The following VSTM2L variants were observed in gnomAD, a reference collection of about 807,000 sequenced individuals.
The protein encoded by VSTM2L is V-set and transmembrane domain-containing protein 2-like protein.
In VSTM2L, 9 loss-of-function variants were observed where a neutral mutation model predicts 19.9. The ratio of observed to expected loss-of-function variants is 0.45; its 90% confidence interval spans 0.27 to 0.79. VSTM2L has a LOEUF of 0.79. VSTM2L is among the 30% of genes least tolerant of loss of function. The pLI, the probability that VSTM2L is intolerant of heterozygous loss-of-function variation, is 0.15. For synonymous variants in VSTM2L, 127 were observed against 133.8 expected (o/e 0.95, Z 0.35); for missense variants, 286 against 295.5 (o/e 0.97, Z 0.24).
intron 3 of VSTM2L, among the ~76,000 whole-genome samples, chr20:37,935,376 G>T (rs1338726016): frequency 6.6e-6 from 1 of 152,108 alleles, no homozygotes; most frequent in Admixed American, 6.5e-5. Context: ...CTGGATTCCT[G>T]CAGTCTGAGG....
At chr20:37,918,864 T>C (rs551875569) in intron 1 of VSTM2L, among the ~76,000 whole-genome samples, 52 of 152,188 alleles carry the variant, frequency 3.4e-4, no homozygotes, top group Non-Finnish European at 4.8e-4. Flanking sequence ...CCTAGGATCT[T>C]CTAGAACCTG....
chr20:37,924,613 C>G (rs1349508449), intron 1 of VSTM2L, among the ~76,000 whole-genome samples: 1 of 151,648 alleles, frequency 6.6e-6, no homozygotes, highest in Non-Finnish European at 1.5e-5. Flanking sequence ...AAGAGCTAGG[C>G]ACGGTGCCTG....
chr20:37,940,701 A>C (rs546773811), intron 3 of VSTM2L, among the ~76,000 whole-genome samples: 1 of 152,356 alleles, frequency 6.6e-6, no homozygotes, highest in East Asian at 1.9e-4. Flanking sequence ...GAGACTAGGT[A>C]ATTCACAAAG....
intron 1 of VSTM2L, among the ~76,000 whole-genome samples, chr20:37,918,516 T>A (rs1293253263): frequency 1.3e-5 from 2 of 152,276 alleles, no homozygotes; most frequent in African/African-American, 4.8e-5. Context: ...TCATAGCGTT[T>A]ATTTTTACAG....
intron 3 of VSTM2L, among the ~76,000 whole-genome samples, chr20:37,943,427 ATT>A (rs35126131): frequency 0.15 from 19,487 of 126,996 alleles, 1,554 homozygotes; most frequent in African/African-American, 0.23. Context: ...AGGCGCCTCT[ATT>A]TTTTTTTTTT....
chr20:37,943,923 T>A (rs1256878761), intron 3 of VSTM2L, 58 bp from the exon 4 acceptor site: 13 of 216,942 alleles, frequency 6.0e-5, no homozygotes, highest in South Asian at 2.6e-4. Flanking sequence ...CCCCCCCGAC[T>A]CTTCTTCTCC....
Position 37,944,733 on chromosome 20 carries a change from TC to T in VSTM2L, c.*484del. On this transcript the variant is annotated 3_prime_UTR_variant, in exon 4 of 4. Coordinates refer to ENST00000373461, the MANE Select transcript of VSTM2L (RefSeq NM_080607.3). ...ATCTTCTGAGCAGAACTAGGGCCTC[TC>T]CCCTGGTGAAGACCCAGGGAACCCA... 1 of 987,030 alleles carries T rather than the reference TC, an allele frequency of 1.0e-6. No individual in the cohort carries two copies. 61.1% of individuals were successfully genotyped at this position (987,030 alleles called of 1,614,324 possible).
chr20:37,935,317 C>T (rs532966321), intron 3 of VSTM2L, among the ~76,000 whole-genome samples: 4 of 152,332 alleles, frequency 2.6e-5, no homozygotes, highest in South Asian at 4.1e-4. Context: ...CCAAGCTCCT[C>T]GTGCAGACAG....
chr20:37,906,191 C>T (rs2072751155), intron 1 of VSTM2L, among the ~76,000 whole-genome samples: 1 of 152,246 alleles, frequency 6.6e-6, no homozygotes, highest in South Asian at 2.1e-4. Context: ...TGCCCTGGAG[C>T]TTGTCACAGG....
At chr20:37,911,691 GT>G (rs143169433) in intron 1 of VSTM2L, among the ~76,000 whole-genome samples, 2,338 of 152,254 alleles carry the variant, frequency 0.015, 71 homozygotes, top group African/African-American at 0.054. Context: ...GGGTAATGCT[GT>G]TTTTTGTCTA....
intron 1 of VSTM2L, among the ~76,000 whole-genome samples, chr20:37,916,149 C>A (rs1229237146): frequency 6.6e-6 from 1 of 152,250 alleles, no homozygotes; most frequent in Non-Finnish European, 1.5e-5. Flanking sequence ...AGGCTCAAAT[C>A]CTGCCCCGCT....
At chr20:37,906,211 C>A (rs756654825) in intron 1 of VSTM2L, among the ~76,000 whole-genome samples, 11 of 152,112 alleles carry the variant, frequency 7.2e-5, no homozygotes, top group Non-Finnish European at 1.3e-4. Flanking sequence ...GGAAAGCCTG[C>A]GGTCAGATGG....
At chr20:37,912,815 C>A (rs2072788064) in intron 1 of VSTM2L, among the ~76,000 whole-genome samples, 1 of 152,186 alleles carries the variant, frequency 6.6e-6, no homozygotes, top group Non-Finnish European at 1.5e-5. Context: ...CTGGATCTCT[C>A]TCTCTCCCTG....
Position 37,944,535 on chromosome 20 carries a change from CG to C in VSTM2L, c.*286del. ...CTGGGGCAGGGACCATGCTGGGGCC[CG>C]GGGCCACCCCCTTCCTGTCACCAGC... On this transcript the variant is annotated 3_prime_UTR_variant, in exon 4 of 4. Transcript: ENST00000373461. 2 of 1,194,186 alleles carry C rather than the reference CG, an allele frequency of 1.7e-6. No individual in the cohort carries two copies. The highest frequency in any genetic ancestry group is 2.1e-6 in the Non-Finnish European group (2 of 964,214). 74.0% of individuals were successfully genotyped at this position (1,194,186 alleles called of 1,614,324 possible).
intron 1 of VSTM2L, among the ~76,000 whole-genome samples, chr20:37,918,400 A>G (rs1288989838): frequency 6.6e-6 from 1 of 152,196 alleles, no homozygotes; most frequent in Non-Finnish European, 1.5e-5. Context: ...TTTAACACCT[A>G]ACCTTCGCCA....
At chr20:37,921,701 T>G (rs2072851814) in intron 1 of VSTM2L, among the ~76,000 whole-genome samples, 1 of 148,882 alleles carries the variant, frequency 6.7e-6, no homozygotes, top group African/African-American at 2.5e-5. Context: ...TGAGAGAGGG[T>G]GGGGGAGAAG....
intron 3 of VSTM2L, among the ~76,000 whole-genome samples, chr20:37,934,229 T>A (rs897008654): frequency 3.3e-5 from 5 of 152,152 alleles, no homozygotes; most frequent in Non-Finnish European, 7.3e-5. Context: ...TGCAGGCCAG[T>A]GCAGCTGGGG....
At chr20:37,929,309 G>A (rs913137115) in intron 1 of VSTM2L, among the ~76,000 whole-genome samples, 1 of 152,206 alleles carries the variant, frequency 6.6e-6, no homozygotes, top group Non-Finnish European at 1.5e-5. Context: ...AGGCCACTGT[G>A]GCAGGAGTAG....
Position 37,944,096 on chromosome 20 carries a change from G to C in VSTM2L, c.458G>C (p.Arg153Pro). The C allele has an allele frequency of 6.2e-7, 1 of 1,612,878 alleles. No individual in the cohort carries two copies. The highest frequency in any genetic ancestry group is 8.5e-7 in the Non-Finnish European group (1 of 1,179,342). The change falls in exon 4 of 4, where the codon CGG (arginine) becomes CCG (proline). Residue 153 changes from arginine (R) to proline (P), a missense_variant. Arg to Pro is a moderately radical substitution (Grantham distance 103). Coordinates refer to ENST00000373461, the MANE Select transcript of VSTM2L (RefSeq NM_080607.3). ...ATCGACTTCAGCGACGGCAAGGCCCGGCACCACAAGGTCAAGGCCTACCTG... is the reference window on the plus strand; with the variant it reads ...ATCGACTTCAGCGACGGCAAGGCCCCGCACCACAAGGTCAAGGCCTACCTG... ...RVIDFSDGKA[R>P]HHKVKAYLRV...
Sources: gnomAD v4.1 joint callset for allele counts (sites outside exome capture counted in the v4.1 genomes callset) on GRCh38, gnomAD v4.1.1 for gene constraint, MANE v1.5 for transcripts, NCBI Gene and HGNC (gene_info 2026-07-23, HGNC 2026-07-21) for gene names.